The following NME8 variants were observed in gnomAD, a reference collection of about 807,000 sequenced individuals.
The protein encoded by NME8 is NME/NM23 family member 8, also known as protein NME8.
A neutral mutation model predicts 82.3 loss-of-function variants in NME8; 72 were observed. The observed-to-expected ratio is 0.87, with a 90% confidence interval of 0.72 to 1.06. The LOEUF is 1.06. Among genes scored for constraint, NME8 ranks in the 50% least tolerant of loss-of-function variants. The pLI is 0.00. For synonymous variants in NME8, 267 were observed against 228.5 expected, an observed-to-expected ratio of 1.17 and a Z score of -1.52; for missense variants, 712 against 685.4, an observed-to-expected ratio of 1.04 and a Z score of -0.43.
At chr7:37,875,172 AGTCGCT>A (rs1784828352) in intron 11 of NME8, among the ~76,000 whole-genome samples, 1 of 152,226 alleles carries the variant, frequency 6.6e-6, no homozygotes, top group Non-Finnish European at 1.5e-5. Context: ...AAAGAGGTTG[AGTCGCT>A]GTTGGAGATA....
chr7:37,849,448 G>T (rs1350991608), intron 2 of NME8, among the ~76,000 whole-genome samples: 1 of 152,150 alleles, frequency 6.6e-6, no homozygotes, highest in African/African-American at 2.4e-5. Flanking sequence ...ATAAGATAGT[G>T]TGGCAGCTAT....
At chr7:37,894,941 C>T (rs1269591073) in intron 16 of NME8, among the ~76,000 whole-genome samples, 1 of 151,612 alleles carries the variant, frequency 6.6e-6, no homozygotes, top group Non-Finnish European at 1.5e-5. Context: ...TAGGTCTTCA[C>T]ATTAGATATA....
intron 5 of NME8, among the ~76,000 whole-genome samples, chr7:37,854,183 G>T (rs1784477381): frequency 6.6e-6 from 1 of 152,146 alleles, no homozygotes; most frequent in Admixed American, 6.6e-5. Context: ...TATGTTATGT[G>T]TATTATATAC....
At chr7:37,890,092 T>G (rs1975639) in intron 15 of NME8, among the ~76,000 whole-genome samples, 7,330 of 152,150 alleles carry the variant, frequency 0.048, 264 homozygotes, top group South Asian at 0.19. Flanking sequence ...TATTGTTTGC[T>G]ATCAGGACCA....
chr7:37,864,478 C>A, intron 9 of NME8, 57 bp downstream of exon 9: 1 of 1,450,052 alleles, frequency 6.9e-7, no homozygotes, highest in South Asian at 1.2e-5. Context: ...ACCTCTTAAT[C>A]GTCAGTTCAA....
chr7:37,893,779 T>C (rs536890631), intron 15 of NME8, among the ~76,000 whole-genome samples: 2 of 152,168 alleles, frequency 1.3e-5, no homozygotes, highest in Non-Finnish European at 2.9e-5. Flanking sequence ...AGGAAAGGTT[T>C]ATGTTTTCTT....
At chr7:37,888,740 G>A (rs183680578) in intron 15 of NME8, among the ~76,000 whole-genome samples, 39 of 151,882 alleles carry the variant, frequency 2.6e-4, no homozygotes, top group South Asian at 1.7e-3. Flanking sequence ...ATATTAGTAC[G>A]GAATATCATG....
chr7:37,886,389 C>T (rs914296622), intron 14 of NME8, among the ~76,000 whole-genome samples: 3 of 152,132 alleles, frequency 2.0e-5, no homozygotes, highest in South Asian at 2.1e-4. Context: ...GAAAATTGCC[C>T]CATGTTCACA....
rs779202478 is a variant in NME8 at position 37,894,616 on chromosome 7, T to C, written c.1544+6T>C. Reference sequence around the variant, plus strand: ...TTATTGGAAATGTTATCTGTGTAAGTTTCTGATACATAATTGTTTGCATTA... The same window carrying C: ...TTATTGGAAATGTTATCTGTGTAAGCTTCTGATACATAATTGTTTGCATTA... On this transcript the variant is annotated splice_donor_region_variant and intron_variant, in intron 16 of 17. Transcript: ENST00000199447. 2.5e-6 allele frequency: 4 copies of C among 1,580,148 alleles called. No individual in the cohort carries two copies. The Admixed American group carries it at 5.0e-5, about 20-fold the overall frequency.
chr7:37,899,989 C>T (rs538127153), intron 17 of NME8, among the ~76,000 whole-genome samples: 6 of 152,276 alleles, frequency 3.9e-5, no homozygotes, highest in South Asian at 2.1e-4. Context: ...AATCCTTGAA[C>T]GGGTTGGGTA....
intron 13 of NME8, among the ~76,000 whole-genome samples, chr7:37,884,882 A>G (rs1262307156): frequency 6.6e-6 from 1 of 152,220 alleles, no homozygotes; most frequent in Non-Finnish European, 1.5e-5. Flanking sequence ...GGGCATATAA[A>G]CCAGCAGGAC....
intron 15 of NME8, among the ~76,000 whole-genome samples, 187 bp downstream of exon 15, chr7:37,888,615 C>G (rs1030791890): frequency 6.6e-6 from 1 of 152,104 alleles, no homozygotes; most frequent in African/African-American, 2.4e-5. Context: ...TGCTATCTCT[C>G]TCACCTCTCC....
At position 37,877,626 on chromosome 7, in the gene NME8, G is replaced by C. The variant is rs547092191; in HGVS notation, c.994+619G>C. ...GGAGCTTTCTAGGAGCTTTGACGTA[G>C]TTTCCTTGGCATTTCTATGTAGACC... On this transcript the variant is annotated intron_variant, in intron 12 of 17. Coordinates refer to ENST00000199447, the MANE Select transcript of NME8 (RefSeq NM_016616.5). 2.6e-5 allele frequency among the ~76,000 whole-genome samples: 4 copies of C among 152,252 alleles called. No homozygotes were observed. In the East Asian group the frequency reaches 7.7e-4, roughly 29 times the overall value.
intron 9 of NME8, 41 bp downstream of exon 9, chr7:37,864,462 A>G (rs747833460): frequency 6.8e-7 from 1 of 1,460,722 alleles, no homozygotes; most frequent in South Asian, 1.2e-5. Context: ...TAATTGCAAA[A>G]TAACAACCTC....
At chr7:37,897,139 A>T in intron 17 of NME8, 32 bp downstream of exon 17, 1 of 1,375,326 alleles carries the variant, frequency 7.3e-7, no homozygotes, top group East Asian at 2.4e-5. Flanking sequence ...ATTTTATTTT[A>T]TTTGCTTGTT....
chr7:37,875,639 T>C (rs1397876070), intron 11 of NME8, among the ~76,000 whole-genome samples: 3 of 148,392 alleles, frequency 2.0e-5, no homozygotes, highest in Middle Eastern at 3.2e-3. Context: ...AAAAAAAAGA[T>C]GAAAATAAAG....
intron 16 of NME8, 72 bp from the exon 17 acceptor site, chr7:37,896,798 T>C: frequency 2.3e-6 from 3 of 1,288,782 alleles, no homozygotes; most frequent in Non-Finnish European, 3.4e-6. Context: ...TGCAGTGTTC[T>C]GTCTTTAGCC....
At chr7:37,861,527 T>A (rs1755645452) in intron 6 of NME8, among the ~76,000 whole-genome samples, 1 of 152,210 alleles carries the variant, frequency 6.6e-6, no homozygotes, top group South Asian at 2.1e-4. Flanking sequence ...CACATGTTTG[T>A]GTTTTTATGT....
At chr7:37,851,854 A>C (rs979890449) in intron 5 of NME8, among the ~76,000 whole-genome samples, 5 of 151,894 alleles carry the variant, frequency 3.3e-5, no homozygotes, top group African/African-American at 9.7e-5. Context: ...ACCACAACCC[A>C]CTCATGTTCT....
Sources: allele counts gnomAD v4.1 joint callset (sites outside exome capture counted in the v4.1 genomes callset), GRCh38; gene constraint gnomAD v4.1.1; transcripts MANE v1.5; gene names NCBI Gene and HGNC (gene_info 2026-07-23, HGNC 2026-07-21).